PIP4K2A: variants seen among roughly 807,000 people sequenced by gnomAD.
The protein encoded by PIP4K2A is phosphatidylinositol 5-phosphate 4-kinase type-2 alpha.
Under a neutral mutation model 42.9 loss-of-function variants are expected in PIP4K2A, and 14 were observed. The observed-to-expected ratio is 0.33, with a 90% CI of 0.22 to 0.51. PIP4K2A has a LOEUF of 0.51. Among genes scored for constraint, PIP4K2A ranks in the 20% least tolerant of loss-of-function variants. The pLI, the probability that PIP4K2A is intolerant of heterozygous loss-of-function variation, is 0.97. For missense variants in PIP4K2A, 434 were observed against 519.8 expected (o/e 0.83, Z 1.61); for synonymous variants, 192 against 192.2 (o/e 1.00, Z 0.01).
chr10:22,554,380 A>C (rs1836483103), intron 6 of PIP4K2A, among the ~76,000 whole-genome samples: 1 of 152,240 alleles, frequency 6.6e-6, no homozygotes. Context: ...AGAGCAGCAG[A>C]AAATTAACTG....
chr10:22,711,040 G>T (rs1022861075), intron 1 of PIP4K2A, among the ~76,000 whole-genome samples: 1 of 152,070 alleles, frequency 6.6e-6, no homozygotes, highest in Non-Finnish European at 1.5e-5. Context: ...AATGTAACAA[G>T]ACAAAACTGC....
rs1275425233 is a variant in PIP4K2A at position 22,670,776 on chromosome 10, T to C, written c.144+43407A>G. 2.6e-5 allele frequency among the ~76,000 whole-genome samples: 4 copies of C among 152,232 alleles called. No homozygotes were observed. The East Asian group carries it at 7.7e-4, about 29-fold the overall frequency. On this transcript the variant is annotated intron_variant, in intron 1 of 9. Transcript: ENST00000376573. The stretch of plus-strand genomic sequence containing the variant: ...ATTACAACCAGTTGATATGAATCAT[T>C]ACAAACACTTGATTATCTCTTTGCA...
intron 1 of PIP4K2A, among the ~76,000 whole-genome samples, chr10:22,664,092 TATATATATATACATATATATATAC>T (rs1323856976): frequency 8.0e-5 from 5 of 62,890 alleles, no homozygotes; most frequent in African/African-American, 5.9e-4. Context: ...TATATATACA[TATATATATATACATATATATATAC>T]ATATATATAT....
At position 22,537,016 on chromosome 10, in the gene PIP4K2A, G is replaced by A; in HGVS notation, c.*185C>T. 1.7e-6 allele frequency: 1 copy of A among 591,798 alleles called. No homozygotes were observed. The highest frequency in any genetic ancestry group is 2.1e-5 in the South Asian group (1 of 47,988). 36.7% of individuals were successfully genotyped at this position (591,798 alleles called of 1,614,324 possible). ...CAAAGTCAGAAATAGCTAGAACGAT[G>A]CTGGGAAAATCAGGTAGCTGTAAAG... On this transcript the variant is annotated 3_prime_UTR_variant, in exon 10 of 10. Coordinates refer to ENST00000376573, the MANE Select transcript of PIP4K2A (RefSeq NM_005028.5).
intron 4 of PIP4K2A, 101 bp from the exon 5 acceptor site, chr10:22,573,558 C>A (rs11013052): frequency 0.29 from 290,646 of 1,003,094 alleles, 44,776 homozygotes; most frequent in Non-Finnish European, 0.32. Flanking sequence ...AAAGTGAAAA[C>A]CTCCAGCCAT....
intron 3 of PIP4K2A, among the ~76,000 whole-genome samples, chr10:22,603,434 C>A (rs1011621014): frequency 2.2e-4 from 33 of 152,018 alleles, no homozygotes; most frequent in African/African-American, 7.2e-4. Flanking sequence ...AAAATCTGCA[C>A]CCCTCTTTCC....
intron 7 of PIP4K2A, among the ~76,000 whole-genome samples, chr10:22,544,912 C>A (rs2130748554): frequency 6.6e-6 from 1 of 152,276 alleles, no homozygotes; most frequent in South Asian, 2.1e-4. Flanking sequence ...CAGCACAGCC[C>A]CAGAGTCTGG....
At chr10:22,636,662 T>C (rs1027554202) in intron 1 of PIP4K2A, among the ~76,000 whole-genome samples, 3 of 152,238 alleles carry the variant, frequency 2.0e-5, no homozygotes, top group Non-Finnish European at 4.4e-5. Flanking sequence ...AATAGAGACA[T>C]GTCCTTCAAG....
chr10:22,607,760 C>T lies in PIP4K2A; in HGVS notation c.339+167G>A, dbSNP rs551502475. 478 of 519,748 alleles carry T rather than the reference C, an allele frequency of 9.2e-4. 5 individuals carry two copies. Among genetic ancestry groups the T allele is most frequent in the Non-Finnish European group, 1.6e-4 (47 of 287,208 alleles). The allele number at this position is 519,748 out of a possible 1,614,324, so 32.2% of individuals were successfully genotyped here. On this transcript the variant is annotated intron_variant, in intron 3 of 9. Transcript: ENST00000376573. ...TATCATATGTATAGAGGTCCCCAAT[C>T]AAGAGAACACTTTACTTCAGCATGA...
intron 1 of PIP4K2A, among the ~76,000 whole-genome samples, chr10:22,656,382 G>A (rs1045585009): frequency 3.3e-5 from 5 of 152,164 alleles, no homozygotes; most frequent in Non-Finnish European, 7.3e-5. Flanking sequence ...AGGGACAGAC[G>A]TATGACCCAA....
At chr10:22,671,745 T>TACACACACACACACACACAC (rs143696456) in intron 1 of PIP4K2A, among the ~76,000 whole-genome samples, 1,895 of 144,614 alleles carry the variant, frequency 0.013, 25 homozygotes, top group African/African-American at 0.033. Flanking sequence ...ACTTGGAAAA[T>TACACACACACACACACACAC]ACACACACAC....
chr10:22,562,423 C>A (rs1836734467), intron 6 of PIP4K2A, among the ~76,000 whole-genome samples: 1 of 152,132 alleles, frequency 6.6e-6, no homozygotes, highest in African/African-American at 2.4e-5. Flanking sequence ...GTGACAGGCG[C>A]TTGTAGTCCC....
chr10:22,711,995 G>T (rs528812979), intron 1 of PIP4K2A, among the ~76,000 whole-genome samples: 12 of 152,232 alleles, frequency 7.9e-5, no homozygotes, highest in African/African-American at 2.9e-4. Context: ...AATATTAGAG[G>T]TGTTTTAGCA....
chr10:22,595,136 C>T (rs892691258), intron 3 of PIP4K2A, among the ~76,000 whole-genome samples: 2 of 152,184 alleles, frequency 1.3e-5, no homozygotes, highest in African/African-American at 4.8e-5. Context: ...TACAAAACAC[C>T]TGATCCTTGG....
At chr10:22,685,758 G>A (rs897718717) in intron 1 of PIP4K2A, among the ~76,000 whole-genome samples, 3 of 152,090 alleles carry the variant, frequency 2.0e-5, no homozygotes, top group Non-Finnish European at 2.9e-5. Context: ...GGGTGGCGGC[G>A]GGGCAGGGAG....
chr10:22,535,854 AAATC>A lies in PIP4K2A; in HGVS notation c.*1343_*1346del, dbSNP rs1242071707. On this transcript the variant is annotated 3_prime_UTR_variant, in exon 10 of 10. Transcript: ENST00000376573. Reference sequence around the variant, plus strand: ...ACTGGGGCGAAATCTCTTTTTAAAAAAATCAATCATTAGGTTGATAAATGTACAT... The same window carrying A: ...ACTGGGGCGAAATCTCTTTTTAAAAAAATCATTAGGTTGATAAATGTACAT... 2 of 347,896 alleles carry A rather than the reference AAATC, an allele frequency of 5.7e-6. No homozygotes were observed. Among genetic ancestry groups the A allele is most frequent in the Non-Finnish European group, 1.0e-5 (2 of 195,038 alleles). 21.6% of individuals were successfully genotyped at this position (347,896 alleles called of 1,614,324 possible).
At chr10:22,640,636 G>C (rs975321828) in intron 1 of PIP4K2A, among the ~76,000 whole-genome samples, 2 of 152,196 alleles carry the variant, frequency 1.3e-5, no homozygotes, top group Non-Finnish European at 2.9e-5. Flanking sequence ...TGCTGAAAGA[G>C]ACAATGATGG....
At chr10:22,664,697 T>C (rs980583922) in intron 1 of PIP4K2A, among the ~76,000 whole-genome samples, 2 of 152,156 alleles carry the variant, frequency 1.3e-5, no homozygotes, top group African/African-American at 4.8e-5. Context: ...AATAATGTCC[T>C]AGAGTTTCAA....
intron 1 of PIP4K2A, among the ~76,000 whole-genome samples, chr10:22,678,730 A>G (rs1295992834): frequency 1.3e-5 from 2 of 152,178 alleles, no homozygotes; most frequent in African/African-American, 4.8e-5. Flanking sequence ...TAGGTAATGT[A>G]TCCTTTAGGA....
Sources: allele counts gnomAD v4.1 joint callset (sites outside exome capture counted in the v4.1 genomes callset), GRCh38; gene constraint gnomAD v4.1.1; transcripts MANE v1.5; gene names NCBI Gene and HGNC (gene_info 2026-07-23, HGNC 2026-07-21).